RNPS1: variants seen among roughly 807,000 people sequenced by gnomAD.
RNPS1 encodes the protein RNA binding protein with serine rich domain 1.
For missense variants in RNPS1, 300 were observed against 427.6 expected (o/e 0.70, Z 2.63); for synonymous variants, 147 against 150.0 (o/e 0.98, Z 0.15).
intron 6 of RNPS1, chr16:2,257,696 C>T (rs967832193): frequency 6.6e-6 from 1 of 152,204 alleles, no homozygotes; most frequent in South Asian, 2.1e-4. Flanking sequence ...CTTACAAGGC[C>T]AACAGCTGAT....
At position 2,268,117 on chromosome 16, in the gene RNPS1, C is replaced by T. The variant is rs1256041465; in HGVS notation, c.-180G>A. 4.6e-6 allele frequency: 7 copies of T among 1,534,308 alleles called. No homozygotes were observed. Among genetic ancestry groups the T allele is most frequent in the Non-Finnish European group, 6.1e-6 (7 of 1,145,904 alleles). Reference sequence around the variant, plus strand: ...GCCGCCGAGGCCGGCGCCGCTCTGACGTCAGAGTCAAGGAGCGGGAAGTCG... The same window carrying T: ...GCCGCCGAGGCCGGCGCCGCTCTGATGTCAGAGTCAAGGAGCGGGAAGTCG... On this transcript the variant is annotated 5_prime_UTR_variant, in exon 1 of 8. Transcript: ENST00000320225.
Position 2,258,314 on chromosome 16 carries a change from T to G in RNPS1, c.677-2588A>C, listed in dbSNP as rs952173928. 5 of 152,226 alleles carry G rather than the reference T, an allele frequency of 3.3e-5. No homozygotes were observed. The South Asian group carries it at 1.0e-3, about 32-fold the overall frequency. The allele number at this position is 152,226 out of a possible 1,614,324, so 9.4% of individuals were successfully genotyped here. On this transcript the variant is annotated intron_variant, in intron 6 of 7. Coordinates refer to ENST00000320225, the MANE Select transcript of RNPS1 (RefSeq NM_080594.4). ...TTAACAGATTGGAAACTCTCTAAAA[T>G]GTTAATCTACGCATATTTGCTAATT... is the stretch of plus-strand genomic sequence containing the variant.
chr16:2,268,016 C>T (rs968986943), intron 1 of RNPS1, 39 bp downstream of exon 1: 20 of 1,533,572 alleles, frequency 1.3e-5, no homozygotes, highest in Non-Finnish European at 1.4e-5. Context: ...CCGGGCAGCC[C>T]CCGAAACACG....
chr16:2,262,300 C>A lies in RNPS1; in HGVS notation c.654G>T (p.Lys218Asn). The A allele has an allele frequency of 6.2e-7, 1 of 1,613,328 alleles. No homozygotes were observed. Among genetic ancestry groups the A allele is most frequent in the South Asian group, 1.1e-5 (1 of 91,030 alleles). The change falls in exon 6 of 8, where the codon AAG becomes AAT. Residue 218 changes from lysine (K) to asparagine (N), a missense_variant. Lys to Asn is a moderately conservative substitution (Grantham distance 94, BLOSUM62 0). Transcript: ENST00000320225. ...VEFENPDEAE[K>N]ALKHMDGGQI... ...CACCTCCATCCATGTGCTTCAGCGC[C>A]TTCTCGGCTTCATCTGGATTCTCAA...
At chr16:2,265,450 A>G (rs1005239128) in intron 1 of RNPS1, 1 of 152,270 alleles carries the variant, frequency 6.6e-6, no homozygotes, top group East Asian at 1.9e-4. Context: ...TACAGCAAAT[A>G]TAGCAGAAAC....
intron 5 of RNPS1, 103 bp downstream of exon 5, chr16:2,262,637 C>T (rs767999442): frequency 1.5e-5 from 17 of 1,103,402 alleles, no homozygotes; most frequent in Non-Finnish European, 2.3e-5. Flanking sequence ...AAACCACATG[C>T]CACCACCCCA....
chr16:2,259,772 C>A (rs892559900), intron 6 of RNPS1, among the ~76,000 whole-genome samples: 2 of 152,234 alleles, frequency 1.3e-5, no homozygotes, highest in South Asian at 4.2e-4. Context: ...GCCTGCAGTC[C>A]CAGCTACTCG....
At chr16:2,258,098 A>C (rs1226133813) in intron 6 of RNPS1, 1 of 152,246 alleles carries the variant, frequency 6.6e-6, no homozygotes. Context: ...AAACGTCATG[A>C]GTGGTTATGA....
chr16:2,265,999 C>A lies in RNPS1; in HGVS notation c.-117-1239G>T, dbSNP rs79555935. ...AACAAATTACTAATTAGTTATGGGC[C>A]CTATTTTCCAGGGACTTCTGCCTTC... On this transcript the variant is annotated intron_variant, in intron 1 of 7. Coordinates refer to ENST00000320225, the MANE Select transcript of RNPS1 (RefSeq NM_080594.4). 305 of 493,228 alleles carry A rather than the reference C, an allele frequency of 6.2e-4. 2 individuals carry two copies. Among genetic ancestry groups the A allele is most frequent in the African/African-American group, 6.1e-3 (289 of 47,748 alleles). 30.6% of individuals were successfully genotyped at this position (493,228 alleles called of 1,614,324 possible). A position where few individuals can be genotyped will look rare whatever the true frequency, so the allele number is the denominator to read the frequency against.
At chr16:2,264,863 C>T (rs1217542390) in intron 1 of RNPS1, 103 bp from the exon 2 acceptor site, 18 of 935,160 alleles carry the variant, frequency 1.9e-5, no homozygotes, top group South Asian at 7.3e-5. Flanking sequence ...CAAGGGAGCA[C>T]GGTAAGCAAT....
At chr16:2,261,640 T>TA (rs2141569096) in intron 6 of RNPS1, among the ~76,000 whole-genome samples, 1 of 152,318 alleles carries the variant, frequency 6.6e-6, no homozygotes, top group Non-Finnish European at 1.5e-5. Context: ...CCAAGGCCCT[T>TA]ATACAAAGGC....
At chr16:2,259,111 A>C (rs1286943513) in intron 6 of RNPS1, among the ~76,000 whole-genome samples, 1 of 146,560 alleles carries the variant, frequency 6.8e-6, no homozygotes, top group Non-Finnish European at 1.5e-5. Context: ...CAACAAGAGC[A>C]GAAAAAAGTC....
chr16:2,261,840 A>C (rs1187476262), intron 6 of RNPS1, among the ~76,000 whole-genome samples: 1 of 152,244 alleles, frequency 6.6e-6, no homozygotes, highest in Non-Finnish European at 1.5e-5. Context: ...ACAGCCATTT[A>C]AATTAAGTCA....
rs2093614573 is a variant in RNPS1, at chr16:2,264,037, T to C, written c.227+139A>G. On this transcript the variant is annotated intron_variant, in intron 3 of 7. Transcript: ENST00000320225. ...GAGCCACCACTGCACCTAGCCAGTC[T>C]GCCATAAATTAGGGTCTCTACTAAC... The C allele has an allele frequency of 2.1e-5, 22 of 1,037,148 alleles. No homozygotes were observed. The South Asian group carries it at 3.1e-4, about 15-fold the overall frequency. The allele number at this position is 1,037,148 out of a possible 1,614,324, so 64.2% of individuals were successfully genotyped here.
At chr16:2,259,338 G>A (rs1028330833) in intron 6 of RNPS1, among the ~76,000 whole-genome samples, 1 of 152,154 alleles carries the variant, frequency 6.6e-6, no homozygotes, top group Non-Finnish European at 1.5e-5. Context: ...TAGTGTACAT[G>A]ATCAGTAATA....
intron 1 of RNPS1, chr16:2,265,179 C>T (rs565523182): frequency 3.3e-5 from 5 of 152,862 alleles, no homozygotes; most frequent in African/African-American, 1.2e-4. Flanking sequence ...TTGCAATTTC[C>T]CCTTAGGATA....
chr16:2,259,553 AT>A (rs2093593445), intron 6 of RNPS1, among the ~76,000 whole-genome samples: 2 of 152,184 alleles, frequency 1.3e-5, no homozygotes, highest in African/African-American at 4.8e-5. Flanking sequence ...AACTTTGCAG[AT>A]TGTGACATCA....
chr16:2,265,480 CCT>C (rs1363541962), intron 1 of RNPS1: 1 of 141,360 alleles, frequency 7.1e-6, no homozygotes, highest in African/African-American at 2.6e-5. Context: ...AGACTATTAA[CCT>C]CTGATTTTTT....
At chr16:2,254,740 C>CTTTTT (rs11315814) in intron 7 of RNPS1, among the ~76,000 whole-genome samples, 1 of 103,592 alleles carries the variant, frequency 9.7e-6, no homozygotes. Flanking sequence ...AAAGTTTTAC[C>CTTTTT]TTTTTTTTTT....
Sources: gnomAD v4.1 joint callset for allele counts (sites outside exome capture counted in the v4.1 genomes callset) on GRCh38, gnomAD v4.1.1 for gene constraint, MANE v1.5 for transcripts, NCBI Gene and HGNC (gene_info 2026-07-23, HGNC 2026-07-21) for gene names.